The following TRMT13 variants were observed in gnomAD, a reference collection of about 807,000 sequenced individuals.
TRMT13 encodes tRNA methyltransferase 13.
A neutral mutation model predicts 55.9 loss-of-function variants in TRMT13; 45 were observed. The observed-to-expected ratio is 0.80, with a 90% CI of 0.63 to 1.03. The LOEUF is 1.03. Ranked by LOEUF, TRMT13 falls within the 50% of genes least tolerant of loss-of-function variation. The pLI is 0.00. For missense variants in TRMT13, 513 were observed against 563.9 expected (o/e 0.91, Z 0.91); for synonymous variants, 183 against 196.3 (o/e 0.93, Z 0.57).
intron 7 of TRMT13, among the ~76,000 whole-genome samples, chr1:100,141,791 A>G (rs1656669877): frequency 6.6e-6 from 1 of 152,220 alleles, no homozygotes; most frequent in Non-Finnish European, 1.5e-5. Context: ...GACTATGTAG[A>G]AAAGGTGATG....
chr1:100,140,151 C>T lies in TRMT13; in HGVS notation c.325-31C>T, dbSNP rs372765499. On this transcript the variant is annotated intron_variant, in intron 4 of 10. Coordinates refer to ENST00000370141, the MANE Select transcript of TRMT13 (RefSeq NM_019083.3). Reference sequence around the variant, plus strand: ...TATGCTACTTTAAAGCAATTTTTGGCTACATTATTTAGTTTTATTTTTGTA... The same window carrying T: ...TATGCTACTTTAAAGCAATTTTTGGTTACATTATTTAGTTTTATTTTTGTA... 484 of 1,525,230 alleles carry T rather than the reference C, an allele frequency of 3.2e-4. 1 individual carries two copies. Among genetic ancestry groups the T allele is most frequent in the Non-Finnish European group, 4.0e-4 (443 of 1,112,118 alleles). The allele number at this position is 1,525,230 out of a possible 1,614,324, so 94.5% of individuals were successfully genotyped here.
intron 1 of TRMT13, among the ~76,000 whole-genome samples, 155 bp from the exon 2 acceptor site, chr1:100,136,727 A>G (rs1655926936): frequency 6.6e-6 from 1 of 152,146 alleles, no homozygotes; most frequent in Admixed American, 6.5e-5. Context: ...GTTTTTGTTA[A>G]ACCCTTGGGA....
chr1:100,149,223 T>G lies in TRMT13; in HGVS notation c.*403T>G. On this transcript the variant is annotated 3_prime_UTR_variant, in exon 11 of 11. Coordinates refer to ENST00000370141, the MANE Select transcript of TRMT13 (RefSeq NM_019083.3). ...CTTAAGTTCAAGAGGTAGTGATTGA[T>G]TGTAACAAGGGCCAATCTGAGAATT... The G allele has an allele frequency of 6.7e-7, 1 of 1,495,070 alleles. No individual in the cohort carries two copies. The highest frequency in any genetic ancestry group is 8.9e-7 in the Non-Finnish European group (1 of 1,128,626). The allele number at this position is 1,495,070 out of a possible 1,614,324, so 92.6% of individuals were successfully genotyped here. A position where few individuals can be genotyped will look rare whatever the true frequency, so the allele number is the denominator to read the frequency against.
At chr1:100,143,810 T>C (rs1656910516) in intron 8 of TRMT13, among the ~76,000 whole-genome samples, 1 of 152,184 alleles carries the variant, frequency 6.6e-6, no homozygotes, top group Non-Finnish European at 1.5e-5. Flanking sequence ...TCACCAATTT[T>C]AATCCAGCCA....
chr1:100,139,097 G>C (rs1193976486), intron 3 of TRMT13, among the ~76,000 whole-genome samples: 1 of 152,264 alleles, frequency 6.6e-6, no homozygotes, highest in South Asian at 2.1e-4. Flanking sequence ...ACTGTGCCTG[G>C]CTTCATTACG....
At chr1:100,133,520 A>G (rs1338707954) in intron 1 of TRMT13, among the ~76,000 whole-genome samples, 2 of 152,134 alleles carry the variant, frequency 1.3e-5, no homozygotes, top group East Asian at 3.9e-4. Context: ...TTCTAAGTAA[A>G]GCGCCAGCAG....
chr1:100,147,787 CT>C (rs748705010), intron 9 of TRMT13, 106 bp from the exon 10 acceptor site: 15 of 1,049,134 alleles, frequency 1.4e-5, no homozygotes, highest in Non-Finnish European at 2.0e-5. Flanking sequence ...TAGGTTTTTG[CT>C]GTTTTTATTG....
intron 9 of TRMT13, among the ~76,000 whole-genome samples, chr1:100,146,227 C>A (rs1434764510): frequency 1.3e-5 from 2 of 152,062 alleles, no homozygotes; most frequent in Admixed American, 1.3e-4. Context: ...ATCATAATAC[C>A]CTCTGCATAT....
In TRMT13 at chr1:100,144,114, T is replaced by C. The variant is rs183385251; in HGVS notation, c.788T>C (p.Ile263Thr). The change falls in exon 9 of 11, where the codon ATT (isoleucine) becomes ACT (threonine). Residue 263 changes from isoleucine (I) to threonine (T), a missense_variant. This residue lies in a region of TRMT13 where 6 missense variants were observed against 17.8 expected (regional missense o/e 0.34). Transcript: ENST00000370141. ...GAAGAAAAACTACCTGTGGTAGGAA[T>C]TGGAAAGCATCTGTGTGGTATGGCA... is the stretch of plus-strand genomic sequence containing the variant. ...LREEKLPVVG[I>T]GKHLCGMATD... 6 of 1,613,492 alleles carry C rather than the reference T, an allele frequency of 3.7e-6. No individual in the cohort carries two copies. In the East Asian group the frequency reaches 1.1e-4, roughly 30 times the overall value.
chr1:100,139,785 T>A, intron 4 of TRMT13, 74 bp downstream of exon 4: 1 of 962,834 alleles, frequency 1.0e-6, no homozygotes, highest in Non-Finnish European at 1.5e-6. Flanking sequence ...TAAGGCATGT[T>A]CTAATTTTTG....
chr1:100,133,313 G>A lies in TRMT13; in HGVS notation c.145G>A (p.Glu49Lys). ...TTGTGGTGAACACGCTGGAGCCGCG[G>A]AGGTGTGGTATCGCCCTACTCTCTC... The part of the protein sequence containing the change: ...RFCGEHAGAA[E>K]EEDARKRILC... The change falls in exon 1 of 11, where the codon GAG (glutamate) becomes AAG (lysine). Residue 49 changes from glutamate (E) to lysine (K), a missense_variant and splice_region_variant. Physicochemically the swap from Glu to Lys is moderately conservative, Grantham distance 56. Transcript: ENST00000370141. The A allele has an allele frequency of 6.2e-7, 1 of 1,613,952 alleles. No homozygotes were observed. Among genetic ancestry groups the A allele is most frequent in the Non-Finnish European group, 8.5e-7 (1 of 1,179,914 alleles).
Position 100,137,068 on chromosome 1 carries a change from A to G in TRMT13, c.244A>G (p.Arg82Gly). 1.2e-6 allele frequency: 2 copies of G among 1,612,638 alleles called. No homozygotes were observed. Among genetic ancestry groups the G allele is most frequent in the Non-Finnish European group, 1.7e-6 (2 of 1,179,756 alleles). Residue 82 changes from arginine to glycine, a missense_variant, in exon 3 of 11, where the codon AGA (arginine) becomes GGA (glycine). Arg to Gly is a moderately radical substitution (Grantham distance 125). Transcript: ENST00000370141. Reference sequence around the variant, plus strand: ...AAAGCATTTGAAAAAATGTAACTCAAGAGAGAAACCAAAACCTGTAAGTGT... The same window carrying G: ...AAAGCATTTGAAAAAATGTAACTCAGGAGAGAAACCAAAACCTGTAAGTGT... The part of the protein sequence containing the change: ...LAKHLKKCNS[R>G]EKPKPDFYIQ...
At chr1:100,148,385 C>T in intron 10 of TRMT13, 59 bp downstream of exon 10, 1 of 1,448,052 alleles carries the variant, frequency 6.9e-7, no homozygotes, top group Non-Finnish European at 9.4e-7. Context: ...TTGTACTGTA[C>T]TTTAGATGAC....
At chr1:100,134,604 T>C (rs1655552657) in intron 1 of TRMT13, among the ~76,000 whole-genome samples, 1 of 152,204 alleles carries the variant, frequency 6.6e-6, no homozygotes, top group African/African-American at 2.4e-5. Flanking sequence ...ACGTGATTTG[T>C]TGTGGGAACT....
At chr1:100,133,371 G>C (rs552449892) in intron 1 of TRMT13, 56 bp downstream of exon 1, 1 of 1,564,678 alleles carries the variant, frequency 6.4e-7, no homozygotes, top group African/African-American at 1.4e-5. Context: ...GGTCCTGTCG[G>C]TGCTGGAACC....
intron 8 of TRMT13, 113 bp downstream of exon 8, chr1:100,143,322 C>A: frequency 1.7e-6 from 1 of 580,108 alleles, no homozygotes. Flanking sequence ...ACAGTCAAAT[C>A]AATTCATTGT....
chr1:100,143,974 TA>T, intron 8 of TRMT13, 94 bp from the exon 9 acceptor site: 3 of 1,051,178 alleles, frequency 2.9e-6, no homozygotes, highest in Non-Finnish European at 4.3e-6. Flanking sequence ...TCTTTCAGGC[TA>T]AAATTCAGAG....
intron 4 of TRMT13, 149 bp downstream of exon 4, chr1:100,139,860 G>A (rs931050509): frequency 4.9e-6 from 3 of 615,774 alleles, no homozygotes; most frequent in African/African-American, 1.9e-5. Context: ...GTGATGGTTA[G>A]TTCCTAGACC....
chr1:100,148,851 C>A lies in TRMT13; in HGVS notation c.*31C>A. The A allele has an allele frequency of 7.4e-7, 1 of 1,345,608 alleles. No homozygotes were observed. Among genetic ancestry groups the A allele is most frequent in the Non-Finnish European group, 9.6e-7 (1 of 1,036,564 alleles). The allele number at this position is 1,345,608 out of a possible 1,614,324, so 83.4% of individuals were successfully genotyped here. A position where few individuals can be genotyped will look rare whatever the true frequency, so the allele number is the denominator to read the frequency against. Reference sequence around the variant, plus strand: ...AAGAAATTTGAGCATCATCTGTCTTCCACCAAAAAAAATTTTTTAATTATA... The same window carrying A: ...AAGAAATTTGAGCATCATCTGTCTTACACCAAAAAAAATTTTTTAATTATA... On this transcript the variant is annotated 3_prime_UTR_variant, in exon 11 of 11. Coordinates refer to ENST00000370141, the MANE Select transcript of TRMT13 (RefSeq NM_019083.3).
Sources: allele counts gnomAD v4.1 joint callset (sites outside exome capture counted in the v4.1 genomes callset), GRCh38; gene constraint gnomAD v4.1.1; regional missense constraint gnomAD v4.1.1; transcripts MANE v1.5; gene names NCBI Gene and HGNC (gene_info 2026-07-23, HGNC 2026-07-21).